The following PRELID2 variants were observed in gnomAD, a reference collection of about 807,000 sequenced individuals.
PRELID2 encodes the protein PRELI domain containing 2.
PRELID2 carries 25 observed loss-of-function variants against 28.4 expected under a neutral mutation model. The ratio of observed to expected loss-of-function variants is 0.88; its 90% CI spans 0.64 to 1.23. The LOEUF (loss-of-function observed/expected upper bound fraction) is 1.23. Ranked by LOEUF, PRELID2 falls within the 50% of genes most tolerant of loss-of-function variation. The probability of loss-of-function intolerance (pLI) is 0.00; values close to 1 mark genes in which losing one functional copy is unlikely to be tolerated. For synonymous variants in PRELID2, 76 were observed against 71.6 expected (o/e 1.06, Z -0.31); for missense variants, 201 against 214.4 (o/e 0.94, Z 0.39).
chr5:145,682,076 C>CA (rs1480098946), intron 1 of PRELID2, among the ~76,000 whole-genome samples: 2 of 150,780 alleles, frequency 1.3e-5, no homozygotes, highest in Non-Finnish European at 3.0e-5. Context: ...AAAAGACCAA[C>CA]AAAGAATTGA....
At chr5:145,797,794 C>G (rs1016808285) in intron 4 of PRELID2, among the ~76,000 whole-genome samples, 1 of 151,882 alleles carries the variant, frequency 6.6e-6, no homozygotes, top group Non-Finnish European at 1.5e-5. Flanking sequence ...ACCCAAACCT[C>G]AACAAAAGAT....
chr5:145,696,011 ATATG>A (rs1481051756), intron 1 of PRELID2, among the ~76,000 whole-genome samples: 1 of 152,148 alleles, frequency 6.6e-6, no homozygotes, highest in African/African-American at 2.4e-5. Context: ...CTTCAAGCTT[ATATG>A]TATGTGTGCA....
chr5:145,420,124 G>A, the PRELID2 span, among the ~76,000 whole-genome samples: 1 of 152,004 alleles, frequency 6.6e-6, no homozygotes, highest in African/African-American at 2.4e-5. Context: ...TGCTGTTTTG[G>A]TTACTGTAGC....
At chr5:145,625,374 T>C (rs576946643) in intron 1 of PRELID2, among the ~76,000 whole-genome samples, 6 of 152,138 alleles carry the variant, frequency 3.9e-5, no homozygotes, top group Non-Finnish European at 8.8e-5. Context: ...TGAATTGTTA[T>C]ATAGCAATGA....
chr5:145,814,489 C>T (rs1021848183), intron 4 of PRELID2, among the ~76,000 whole-genome samples: 3 of 151,832 alleles, frequency 2.0e-5, no homozygotes, highest in Non-Finnish European at 4.4e-5. Flanking sequence ...ACCTCTGATG[C>T]CAATAAGACA....
At chr5:145,338,890 C>A in the PRELID2 span, among the ~76,000 whole-genome samples, 1 of 152,170 alleles carries the variant, frequency 6.6e-6, no homozygotes, top group Admixed American at 6.5e-5. Context: ...ATATGTGAAT[C>A]AAGGTGATGT....
At chr5:145,291,512 A>C in the PRELID2 span, among the ~76,000 whole-genome samples, 1 of 152,050 alleles carries the variant, frequency 6.6e-6, no homozygotes, top group Non-Finnish European at 1.5e-5. Flanking sequence ...AGGACTGCCA[A>C]CACCTTGATT....
At chr5:145,470,318 T>G (rs1422922), downstream of PRELID2, among the ~76,000 whole-genome samples, 32,175 of 152,074 alleles carry the variant, frequency 0.21, 3,989 homozygotes, top group South Asian at 0.35. Context: ...TAGATTTGAC[T>G]CAGGGCTGTA....
chr5:145,363,081 G>A, the PRELID2 span, among the ~76,000 whole-genome samples: 1 of 141,842 alleles, frequency 7.1e-6, no homozygotes, highest in African/African-American at 2.7e-5. Flanking sequence ...AACAAGGCCT[G>A]CATTCTTGAT....
chr5:145,560,623 A>AGT (rs1475793851), intron 1 of PRELID2, among the ~76,000 whole-genome samples: 1 of 152,244 alleles, frequency 6.6e-6, no homozygotes, highest in Admixed American at 6.5e-5. Flanking sequence ...CAGGGAACCC[A>AGT]GTGAAGCTGT....
the PRELID2 span, among the ~76,000 whole-genome samples, chr5:145,447,121 T>C: frequency 5.3e-5 from 8 of 151,120 alleles, no homozygotes; most frequent in African/African-American, 1.7e-4. Context: ...AGACCACATT[T>C]TTTGATATAG....
the PRELID2 span, among the ~76,000 whole-genome samples, chr5:145,319,626 G>A: frequency 2.6e-5 from 4 of 151,786 alleles, no homozygotes; most frequent in Non-Finnish European, 4.4e-5. Flanking sequence ...AGCCGAATTC[G>A]TGCCACTGCA....
At chr5:145,570,698 A>G (rs549532434) in intron 1 of PRELID2, among the ~76,000 whole-genome samples, 29 of 152,228 alleles carry the variant, frequency 1.9e-4, no homozygotes, top group Non-Finnish European at 4.1e-4. Flanking sequence ...AGCTATCACT[A>G]TCTGTTTCAT....
At chr5:145,256,588 G>A in the PRELID2 span, among the ~76,000 whole-genome samples, 15 of 151,936 alleles carry the variant, frequency 9.9e-5, no homozygotes, top group African/African-American at 2.7e-4. Flanking sequence ...TTGTGGGAGG[G>A]GACATTATTC....
the PRELID2 span, among the ~76,000 whole-genome samples, chr5:145,326,528 T>C: frequency 6.6e-6 from 1 of 152,222 alleles, no homozygotes; most frequent in South Asian, 2.1e-4. Context: ...GTCTCGTATA[T>C]GTTTATAGTT....
At position 145,818,002 on chromosome 5, in the gene PRELID2, T is replaced by C. The variant is rs9324996; in HGVS notation, c.260A>G (p.Asn87Ser). 0.014 allele frequency: 22,638 copies of C among 1,612,922 alleles called. 387 individuals carry two copies. The highest frequency in any genetic ancestry group is 0.076 in the African/African-American group (5,670 of 74,866). The change falls in exon 4 of 7, where the codon AAT becomes AGT. Residue 87 changes from asparagine to serine, a missense_variant. Transcript: ENST00000683046. Reference sequence around the variant, plus strand: ...TATGGCCATGTTTCTTTCCCGAGGATTGAGCCATGACTCCTCTTCTAATTG... The same window carrying C: ...TATGGCCATGTTTCTTTCCCGAGGACTGAGCCATGACTCCTCTTCTAATTG... ...NIQLEEESWL[N>S]PRERNMAIRS...
intron 1 of PRELID2, among the ~76,000 whole-genome samples, chr5:145,520,018 A>T (rs920054741): frequency 6.6e-6 from 1 of 152,192 alleles, no homozygotes; most frequent in African/African-American, 2.4e-5. Flanking sequence ...ATGGTGAGCA[A>T]GTAGTCAGGA....
intron 1 of PRELID2, among the ~76,000 whole-genome samples, chr5:145,641,785 G>A (rs1228842880): frequency 1.3e-5 from 2 of 152,200 alleles, no homozygotes; most frequent in Non-Finnish European, 2.9e-5. Flanking sequence ...CTGTTTCTGT[G>A]TTAGTTTGCT....
chr5:145,531,061 G>A (rs1452805903), intron 1 of PRELID2, among the ~76,000 whole-genome samples: 1 of 152,148 alleles, frequency 6.6e-6, no homozygotes, highest in East Asian at 1.9e-4. Context: ...CTTTAATTCT[G>A]CTGTTGTTTG....
Sources: allele counts gnomAD v4.1 joint callset (sites outside exome capture counted in the v4.1 genomes callset), GRCh38; gene constraint gnomAD v4.1.1; transcripts MANE v1.5; gene names NCBI Gene and HGNC (gene_info 2026-07-23, HGNC 2026-07-21).